NEDD9: variants seen among roughly 807,000 people sequenced by gnomAD.
NEDD9 encodes neural precursor cell expressed, developmentally down-regulated 9.
In NEDD9, 26 loss-of-function variants were observed where a neutral mutation model predicts 76.6. The ratio of observed to expected loss-of-function variants is 0.34; its 90% confidence interval spans 0.25 to 0.47. The LOEUF is 0.47. Among genes scored for constraint, NEDD9 ranks in the 20% least tolerant of loss-of-function variants. NEDD9 has a pLI of 1.00. For synonymous variants in NEDD9, 392 were observed against 414.2 expected (o/e 0.95, Z 0.65); for missense variants, 937 against 1,058.5 (o/e 0.89, Z 1.59).
chr6:11,210,329 C>G (rs919472277), intron 2 of NEDD9, among the ~76,000 whole-genome samples: 1 of 152,140 alleles, frequency 6.6e-6, no homozygotes, highest in Non-Finnish European at 1.5e-5. Context: ...AACCCCACCC[C>G]GGTGGCTCAG....
intron 1 of NEDD9, among the ~76,000 whole-genome samples, chr6:11,227,112 T>C (rs980045405): frequency 1.3e-5 from 2 of 152,298 alleles, no homozygotes; most frequent in Middle Eastern, 3.4e-3. Flanking sequence ...CAATGAACAA[T>C]AATGAAGGAA....
chr6:11,363,395 T>C (rs1000001312), intron 1 of NEDD9, among the ~76,000 whole-genome samples: 2 of 152,160 alleles, frequency 1.3e-5, no homozygotes, highest in African/African-American at 4.8e-5. Flanking sequence ...ACTATCTAGA[T>C]CTTATGGAAG....
At chr6:11,350,512 G>C (rs115057560) in intron 1 of NEDD9, among the ~76,000 whole-genome samples, 1,876 of 152,274 alleles carry the variant, frequency 0.012, 38 homozygotes, top group African/African-American at 0.043. Flanking sequence ...GGCAGACCTG[G>C]GCAACCCCAA....
At chr6:11,256,280 C>T (rs1027806647) in intron 3 of NEDD9, among the ~76,000 whole-genome samples, 6 of 152,168 alleles carry the variant, frequency 3.9e-5, no homozygotes, top group Admixed American at 6.5e-5. Flanking sequence ...GGAATCTTCC[C>T]GGCGAGACCT....
chr6:11,291,486 G>A (rs1335627384), intron 3 of NEDD9, among the ~76,000 whole-genome samples: 1 of 152,116 alleles, frequency 6.6e-6, no homozygotes, highest in African/African-American at 2.4e-5. Flanking sequence ...GTAGTAGCCA[G>A]GATGGTCTTG....
rs1212413850 is a variant in NEDD9, at chr6:11,190,065, C to T, written c.1804G>A (p.Ala602Thr). The T allele has an allele frequency of 6.3e-7, 1 of 1,598,238 alleles. No individual in the cohort carries two copies. Among genetic ancestry groups the T allele is most frequent in the African/African-American group, 1.3e-5 (1 of 74,704 alleles). Residue 602 changes from alanine (A) to threonine (T), a missense_variant, in exon 5 of 7, where the codon GCA becomes ACA. Ala to Thr is a moderately conservative substitution (Grantham distance 58). Coordinates refer to ENST00000379446, the MANE Select transcript of NEDD9 (RefSeq NM_006403.4). The surrounding 1 kb of genome is among the most constrained non-coding windows in gnomAD (Gnocchi z 5.8). ...GDHKAQAHNK[A>T]LPPGLSKEQA... ...TCCTTGCTCAGGCCTGGGGGCAGTGCCTTGTTGTGGGCCTGGGCCTTGTGG... is the reference window on the plus strand; with the variant it reads ...TCCTTGCTCAGGCCTGGGGGCAGTGTCTTGTTGTGGGCCTGGGCCTTGTGG...
exon 3 of NEDD9, chr6:11,306,107 TATG>T: frequency 1.5e-6 from 2 of 1,376,396 alleles, no homozygotes; most frequent in Non-Finnish European, 2.1e-6. Context: ...TTGAAGAACA[TATG>T]ATGTTTGCCA....
At chr6:11,334,819 C>T (rs1281858002) in intron 1 of NEDD9, among the ~76,000 whole-genome samples, 1 of 152,138 alleles carries the variant, frequency 6.6e-6, no homozygotes, top group African/African-American at 2.4e-5. Flanking sequence ...AGTTGTAAAG[C>T]AGCAGAGACA....
intron 1 of NEDD9, among the ~76,000 whole-genome samples, chr6:11,335,310 A>G (rs1372085047): frequency 6.6e-6 from 1 of 152,196 alleles, no homozygotes; most frequent in Non-Finnish European, 1.5e-5. Context: ...ACTTGCACCA[A>G]AATATGGTCA....
intron 1 of NEDD9, 147 bp downstream of exon 1, chr6:11,232,357 T>C: frequency 1.1e-6 from 1 of 939,830 alleles, no homozygotes; most frequent in Non-Finnish European, 1.7e-6. Context: ...GCTTGTCTGC[T>C]TGCATGTCAA....
In NEDD9 at chr6:11,322,557, G is replaced by A. The variant is rs80271657; in HGVS notation, c.-153+11944C>T. Among the ~76,000 whole-genome samples, 1,123 of 152,304 alleles carry A rather than the reference G, an allele frequency of 7.4e-3. 5 individuals are homozygous for A. The highest frequency in any genetic ancestry group is 0.013 in the Non-Finnish European group (905 of 68,024). On this transcript the variant is annotated intron_variant, in intron 2 of 3. Transcript: ENST00000397378. ...GGATGAGAGAGGAAGGAGGAAACCA[G>A]CTCCTCTCAACCCTGCATCAGCCTG...
chr6:11,311,492 A>G (rs932342413), intron 2 of NEDD9, among the ~76,000 whole-genome samples: 2 of 152,158 alleles, frequency 1.3e-5, no homozygotes, highest in African/African-American at 4.8e-5. Context: ...GTGCTTTGTG[A>G]CAGCATCCCT....
rs1757904688 is a variant in NEDD9, at chr6:11,183,534, T to C, written c.*1628A>G. On this transcript the variant is annotated 3_prime_UTR_variant, in exon 7 of 7. Coordinates refer to ENST00000379446, the MANE Select transcript of NEDD9 (RefSeq NM_006403.4). ...CAGCAACCCTCTTCCCACATGAACA[T>C]TTCCTTGTAATGTAATGTATGACTT... The C allele has an allele frequency of 6.6e-6, 1 of 152,232 alleles. No homozygotes were observed. The highest frequency in any genetic ancestry group is 6.5e-5 in the Admixed American group (1 of 15,286). 9.4% of individuals were successfully genotyped at this position (152,232 alleles called of 1,614,324 possible).
chr6:11,302,984 C>T (rs990022359), intron 3 of NEDD9, among the ~76,000 whole-genome samples: 1 of 152,158 alleles, frequency 6.6e-6, no homozygotes, highest in Non-Finnish European at 1.5e-5. Flanking sequence ...CTCACCACTC[C>T]TATTCAACAT....
intron 3 of NEDD9, among the ~76,000 whole-genome samples, chr6:11,277,794 C>T (rs943769892): frequency 6.6e-6 from 1 of 152,178 alleles, no homozygotes; most frequent in Non-Finnish European, 1.5e-5. Flanking sequence ...AGCGTTCACC[C>T]ACTCTAGGGC....
rs1758123116 is a variant in NEDD9 at position 11,190,922 on chromosome 6, G to A, written c.947C>T (p.Ala316Val). The stretch of plus-strand genomic sequence containing the variant: ...CTGAACGCCTCGGGGGACATCATAT[G>A]CGTCGTTCTGAGAGCCCACTGACTG... ...LGQSVGSQND[A>V]YDVPRGVQFL... The change falls in exon 5 of 7, where the codon GCA becomes GTA. Residue 316 changes from alanine (A) to valine (V), a missense_variant. Ala to Val is a moderately conservative substitution (Grantham distance 64). Transcript: ENST00000379446. The surrounding 1 kb of genome is among the most constrained non-coding windows in gnomAD (Gnocchi z 5.8). 1.9e-6 allele frequency: 3 copies of A among 1,614,110 alleles called. No individual in the cohort carries two copies. In the Middle Eastern group the frequency reaches 4.9e-4, roughly 266 times the overall value.
chr6:11,342,186 A>G (rs1010667047), intron 1 of NEDD9, among the ~76,000 whole-genome samples: 2 of 152,176 alleles, frequency 1.3e-5, no homozygotes, highest in African/African-American at 4.8e-5. Context: ...ACAAAGGGTC[A>G]AAGACCTATG....
intron 2 of NEDD9, among the ~76,000 whole-genome samples, chr6:11,210,789 G>GAGAGAT (rs1304500304): frequency 8.6e-5 from 13 of 151,202 alleles, no homozygotes; most frequent in African/African-American, 3.2e-4. Context: ...GAGAGAGAGA[G>GAGAGAT]AGATAGAAAA....
chr6:11,319,564 A>ACACTAACATGCACT (rs1561832606), intron 2 of NEDD9, among the ~76,000 whole-genome samples: 1 of 149,630 alleles, frequency 6.7e-6, no homozygotes, highest in African/African-American at 2.5e-5. Flanking sequence ...ATGCGGACAC[A>ACACTAACATGCACT]CACACTAATA....
Sources: gnomAD v4.1 joint callset for allele counts (sites outside exome capture counted in the v4.1 genomes callset) on GRCh38, gnomAD v4.1.1 for gene constraint, Gnocchi (gnomAD v3.1) non-coding constraint, MANE v1.5 for transcripts, NCBI Gene and HGNC (gene_info 2026-07-23, HGNC 2026-07-21) for gene names.